Variants in SERINC5 observed in about 807,000 individuals in gnomAD.
SERINC5 encodes chromosome 5 open reading frame 12.
A neutral mutation model predicts 63.1 loss-of-function variants in SERINC5; 41 were observed. The ratio of observed to expected loss-of-function variants is 0.65; its 90% CI spans 0.51 to 0.84. SERINC5 has a LOEUF of 0.84. Ranked by LOEUF, SERINC5 falls within the 40% of genes least tolerant of loss-of-function variation. SERINC5 has a pLI of 0.00. For missense variants in SERINC5, 523 were observed against 573.0 expected, an observed-to-expected ratio of 0.91 and a Z score of 0.89; for synonymous variants, 222 against 215.2, an observed-to-expected ratio of 1.03 and a Z score of -0.28.
At chr5:80,214,416 A>G (rs1048311197) in intron 1 of SERINC5, among the ~76,000 whole-genome samples, 4 of 152,234 alleles carry the variant, frequency 2.6e-5, no homozygotes. Flanking sequence ...GAAGAAAACA[A>G]AACATTCCTG....
chr5:80,217,118 A>T (rs957033757), intron 1 of SERINC5, among the ~76,000 whole-genome samples: 1 of 151,844 alleles, frequency 6.6e-6, no homozygotes, highest in African/African-American at 2.4e-5. Context: ...TTTTATTTTG[A>T]TATTTTTATT....
At chr5:80,207,633 CACTCTT>C (rs1314925335) in intron 1 of SERINC5, among the ~76,000 whole-genome samples, 2 of 152,162 alleles carry the variant, frequency 1.3e-5, no homozygotes, top group Non-Finnish European at 2.9e-5. Context: ...ATTTCATTTT[CACTCTT>C]ACTCTATACA....
At chr5:80,223,016 G>A (rs1750980231) in intron 1 of SERINC5, among the ~76,000 whole-genome samples, 1 of 151,634 alleles carries the variant, frequency 6.6e-6, no homozygotes, top group Non-Finnish European at 1.5e-5. Context: ...CAGAATGCCT[G>A]GCTAATTTTT....
chr5:80,138,965 A>C lies in SERINC5; in HGVS notation c.*4698T>G. 1.0e-6 allele frequency: 1 copy of C among 976,442 alleles called. No individual in the cohort carries two copies. Among genetic ancestry groups the C allele is most frequent in the African/African-American group, 1.7e-5 (1 of 57,162 alleles). The allele number at this position is 976,442 out of a possible 1,614,324, so 60.5% of individuals were successfully genotyped here. A position where few individuals can be genotyped will look rare whatever the true frequency, so the allele number is the denominator to read the frequency against. ...TTTTTTATATAGGAAAAGCCTAGTC[A>C]ATTCAGATGCTTTCTAGAAAAATTA... On this transcript the variant is annotated 3_prime_UTR_variant, in exon 12 of 12. Coordinates refer to ENST00000507668, the MANE Select transcript of SERINC5 (RefSeq NM_001174072.3).
intron 1 of SERINC5, among the ~76,000 whole-genome samples, chr5:80,216,829 A>G (rs1408339073): frequency 6.6e-6 from 1 of 152,024 alleles, no homozygotes; most frequent in African/African-American, 2.4e-5. Flanking sequence ...TGGGTAACAT[A>G]GTGAGACACT....
At position 80,198,807 on chromosome 5, in the gene SERINC5, G is replaced by A. The variant is rs74971003; in HGVS notation, c.195+4079C>T. ...GAGGCCCTAAAGCTGGAAAAGGATT[G>A]GTTTCACCCACAGGGATCTCATTCC... On this transcript the variant is annotated intron_variant, in intron 2 of 11. Transcript: ENST00000507668. 9.2e-5 allele frequency: 59 copies of A among 643,132 alleles called. No individual in the cohort carries two copies. The African/African-American group carries it at 1.1e-3, about 12-fold the overall frequency. The allele number at this position is 643,132 out of a possible 1,614,324, so 39.8% of individuals were successfully genotyped here.
intron 1 of SERINC5, among the ~76,000 whole-genome samples, chr5:80,255,436 G>C (rs1387229833): frequency 1.3e-5 from 2 of 152,150 alleles, no homozygotes; most frequent in Non-Finnish European, 2.9e-5. Flanking sequence ...GAGATGCCAA[G>C]CGCAACCTGC....
chr5:80,202,707 G>A (rs1266846551), intron 2 of SERINC5, among the ~76,000 whole-genome samples, 179 bp downstream of exon 2: 2 of 152,162 alleles, frequency 1.3e-5, no homozygotes, highest in Non-Finnish European at 2.9e-5. Context: ...TGGTTTTCCT[G>A]TTTAGCCAGA....
chr5:80,122,475 T>C (rs377082465), intron 11 of SERINC5, among the ~76,000 whole-genome samples: 8 of 152,110 alleles, frequency 5.3e-5, no homozygotes, highest in African/African-American at 1.9e-4. Flanking sequence ...TGTTAATCCC[T>C]TTTGGCAATA....
intron 1 of SERINC5, among the ~76,000 whole-genome samples, chr5:80,244,326 C>T (rs1752074659): frequency 2.6e-5 from 4 of 151,928 alleles, no homozygotes; most frequent in Admixed American, 2.6e-4. Context: ...AGCGATTCTC[C>T]AGCCTCAACC....
In SERINC5 at chr5:80,142,179, A is replaced by AC. The variant is rs1745546955; in HGVS notation, c.*1483dup. On this transcript the variant is annotated 3_prime_UTR_variant, in exon 12 of 12. Transcript: ENST00000507668. Reference sequence around the variant, plus strand: ...TCTAACAGGAGTTTCCACCAAGTAAACCTTTTCCCTGCCTGAATACATCAA... The same window carrying AC: ...TCTAACAGGAGTTTCCACCAAGTAAACCCTTTTCCCTGCCTGAATACATCAA... The AC allele has an allele frequency of 2.0e-6, 2 of 985,124 alleles. No homozygotes were observed. The allele number at this position is 985,124 out of a possible 1,614,324, so 61.0% of individuals were successfully genotyped here.
At chr5:80,214,771 C>A (rs919675913) in intron 1 of SERINC5, among the ~76,000 whole-genome samples, 1 of 152,086 alleles carries the variant, frequency 6.6e-6, no homozygotes, top group Non-Finnish European at 1.5e-5. Flanking sequence ...GTGGCATGTG[C>A]CTGTAATCCC....
chr5:80,253,124 T>C (rs1410432842), intron 1 of SERINC5, among the ~76,000 whole-genome samples: 1 of 152,196 alleles, frequency 6.6e-6, no homozygotes, highest in Non-Finnish European at 1.5e-5. Flanking sequence ...AAACCGAGCC[T>C]GTCTCATTCC....
chr5:80,196,214 G>T (rs916726989), intron 2 of SERINC5, among the ~76,000 whole-genome samples: 8 of 151,952 alleles, frequency 5.3e-5, no homozygotes, highest in African/African-American at 1.9e-4. Flanking sequence ...GCACATATGG[G>T]GATGATCAAA....
At chr5:80,212,085 C>T (rs1195350503) in intron 1 of SERINC5, among the ~76,000 whole-genome samples, 1 of 152,194 alleles carries the variant, frequency 6.6e-6, no homozygotes, top group Admixed American at 6.5e-5. Context: ...GGAAGTGTGA[C>T]ACCACCCTTC....
intron 2 of SERINC5, among the ~76,000 whole-genome samples, chr5:80,182,547 C>A (rs13181955): frequency 0.07 from 5,955 of 85,596 alleles, 690 homozygotes; most frequent in African/African-American, 0.24. Flanking sequence ...TCTGACCGCC[C>A]CCCCCCCCTC....
intron 1 of SERINC5, among the ~76,000 whole-genome samples, chr5:80,219,574 C>A (rs1460423972): frequency 2.0e-5 from 3 of 152,192 alleles, no homozygotes; most frequent in Admixed American, 2.0e-4. Context: ...CCTCCACCCA[C>A]TTCTGGAGCA....
Position 80,140,673 on chromosome 5 carries a change from T to C in SERINC5, c.*2990A>G. ...CTGAAGGCTTATAATGGAAATAGTC[T>C]CTAGTCTCCAGTCAGGTAACATGCC... is the stretch of plus-strand genomic sequence containing the variant. On this transcript the variant is annotated 3_prime_UTR_variant, in exon 12 of 12. Transcript: ENST00000507668. The C allele has an allele frequency of 1.0e-6, 1 of 985,264 alleles. No individual in the cohort carries two copies. The highest frequency in any genetic ancestry group is 1.2e-6 in the Non-Finnish European group (1 of 829,848). 61.0% of individuals were successfully genotyped at this position (985,264 alleles called of 1,614,324 possible).
Position 80,187,594 on chromosome 5 carries a change from C to T in SERINC5, c.196-9530G>A, listed in dbSNP as rs554841237. On this transcript the variant is annotated intron_variant, in intron 2 of 11. Transcript: ENST00000507668. Reference sequence around the variant, plus strand: ...CTCAGTAAGTGATTGCCTTTGAGGCCCTTTGGGGGATCTGGGGCTATTTAA... The same window carrying T: ...CTCAGTAAGTGATTGCCTTTGAGGCTCTTTGGGGGATCTGGGGCTATTTAA... 2.0e-5 allele frequency among the ~76,000 whole-genome samples: 3 copies of T among 152,198 alleles called. 1 individual carries two copies. In the South Asian group the frequency reaches 6.2e-4, roughly 32 times the overall value.
Sources: gnomAD v4.1 joint callset for allele counts (sites outside exome capture counted in the v4.1 genomes callset) on GRCh38, gnomAD v4.1.1 for gene constraint, MANE v1.5 for transcripts, NCBI Gene and HGNC (gene_info 2026-07-23, HGNC 2026-07-21) for gene names.